Variants in KTN1 observed in about 807,000 individuals in gnomAD.
KTN1 encodes the protein kinectin.
Under a neutral mutation model 222.5 loss-of-function variants are expected in KTN1, and 130 were observed. That is an observed-to-expected ratio of 0.58 (90% CI 0.51 to 0.68). The LOEUF is 0.68. Ranked by LOEUF, KTN1 falls within the 30% of genes least tolerant of loss-of-function variation. KTN1 has a pLI of 0.00. For synonymous variants in KTN1, 512 were observed against 496.3 expected (o/e 1.03, Z -0.42); for missense variants, 1,508 against 1,500.4 (o/e 1.01, Z -0.08).
At position 55,619,331 on chromosome 14, in the gene KTN1, T is replaced by G. The variant is rs1193923835; in HGVS notation, c.963+19T>G. On this transcript the variant is annotated intron_variant, in intron 5 of 43. Coordinates refer to ENST00000395314, the MANE Select transcript of KTN1 (RefSeq NM_001079521.2). ...AAAGAAGGTAAGCGTGTTTTTTGAT[T>G]ATGGGCATATTCATGACCAGTCATT... 1.1e-5 allele frequency: 17 copies of G among 1,611,650 alleles called. No individual in the cohort carries two copies. Among genetic ancestry groups the G allele is most frequent in the Non-Finnish European group, 1.3e-5 (15 of 1,178,980 alleles).
intron 6 of KTN1, among the ~76,000 whole-genome samples, chr14:55,628,709 A>G (rs1464537576): frequency 6.6e-6 from 1 of 152,216 alleles, no homozygotes; most frequent in Non-Finnish European, 1.5e-5. Flanking sequence ...CTTTATGTGA[A>G]TTTGAAGTAA....
At chr14:55,650,445 T>C (rs371575987) in intron 23 of KTN1, 27 bp downstream of exon 23, 31 of 1,569,800 alleles carry the variant, frequency 2.0e-5, no homozygotes, top group Non-Finnish European at 2.4e-5. Context: ...AACTGTGTTT[T>C]ATGTTTTTGT....
chr14:55,671,789 G>A lies in KTN1; in HGVS notation c.3443G>A (p.Gly1148Glu). The stretch of plus-strand genomic sequence containing the variant: ...CAACTATGCTTTTGTCTGTAGGAAG[G>A]AATTTTACAGAAGCTACAGAGAAGT... ...KYKSVLAETEGILQKLQRSVE... is the reference protein window; with the variant it reads ...KYKSVLAETEEILQKLQRSVE... The change falls in exon 37 of 44, where the codon GGA becomes GAA. Residue 1148 changes from glycine (G) to glutamate (E), a missense_variant. Transcript: ENST00000395314. 1 of 1,606,850 alleles carries A rather than the reference G, an allele frequency of 6.2e-7. No homozygotes were observed. Among genetic ancestry groups the A allele is most frequent in the East Asian group, 2.2e-5 (1 of 44,818 alleles).
At chr14:55,672,880 A>G (rs758156628) in intron 38 of KTN1, 49 bp from the exon 39 acceptor site, 29 of 1,466,910 alleles carry the variant, frequency 2.0e-5, no homozygotes, top group Middle Eastern at 3.5e-4. Context: ...GGGAAATATT[A>G]TGAAAGGAAA....
chr14:55,581,804 G>A (rs1312384517), intron 1 of KTN1, among the ~76,000 whole-genome samples: 1 of 151,724 alleles, frequency 6.6e-6, no homozygotes, highest in African/African-American at 2.4e-5. Flanking sequence ...ATGATCCCAA[G>A]AATAACACTA....
intron 1 of KTN1, among the ~76,000 whole-genome samples, chr14:55,592,226 TTA>T (rs1303500107): frequency 6.6e-6 from 1 of 152,244 alleles, no homozygotes; most frequent in African/African-American, 2.4e-5. Flanking sequence ...TTAAAAAGTT[TTA>T]TGTTGTCTCA....
intron 1 of KTN1, among the ~76,000 whole-genome samples, chr14:55,588,620 A>G (rs2033508291): frequency 6.6e-6 from 1 of 152,212 alleles, no homozygotes; most frequent in Non-Finnish European, 1.5e-5. Flanking sequence ...GCTCACAGTA[A>G]TACCAACAGG....
intron 34 of KTN1, 48 bp from the exon 35 acceptor site, chr14:55,670,681 T>C: frequency 8.5e-7 from 1 of 1,173,868 alleles, no homozygotes. Context: ...TTTATTTGGA[T>C]TTTTTTTTTC....
intron 37 of KTN1, 79 bp downstream of exon 37, chr14:55,671,956 C>T: frequency 1.2e-6 from 1 of 832,914 alleles, no homozygotes; most frequent in Non-Finnish European, 2.0e-6. Context: ...TCACCATGCA[C>T]ATTCTTGGGC....
At chr14:55,588,361 A>G (rs1212666117) in intron 1 of KTN1, among the ~76,000 whole-genome samples, 1 of 152,188 alleles carries the variant, frequency 6.6e-6, no homozygotes, top group Non-Finnish European at 1.5e-5. Flanking sequence ...CTAAGTACAT[A>G]TCAAGTAATT....
At position 55,646,558 on chromosome 14, in the gene KTN1, CTCTCTT is replaced by C. The variant is rs781353123; in HGVS notation, c.2173-400_2173-395del. 3.6e-3 allele frequency among the ~76,000 whole-genome samples: 402 copies of C among 110,606 alleles called. 5 individuals carry two copies. The highest frequency in any genetic ancestry group is 0.011 in the African/African-American group (337 of 30,720). The allele number at this position is 110,606 out of a possible 152,430, so 72.6% of individuals were successfully genotyped here. The stretch of plus-strand genomic sequence containing the variant: ...TCCTTTCCTTTCCTTCTCTCTTTCT[CTCTCTT>C]TCTCTTTCTCTTTCCTTCTCTTTTC... On this transcript the variant is annotated intron_variant, in intron 18 of 43. Transcript: ENST00000395314.
intron 40 of KTN1, chr14:55,673,471 A>G (rs2045625548): frequency 2.8e-6 from 1 of 363,430 alleles, no homozygotes; most frequent in Non-Finnish European, 4.9e-6. Context: ...TAACAATGGC[A>G]TGTTTGGCTT....
Position 55,606,858 on chromosome 14 carries a change from A to G in KTN1, c.-30-5161A>G, listed in dbSNP as rs80015070. Among the ~76,000 whole-genome samples, 593 of 152,286 alleles carry G rather than the reference A, an allele frequency of 3.9e-3. 3 individuals are homozygous for G. The highest frequency in any genetic ancestry group is 0.014 in the African/African-American group (572 of 41,582). Reference sequence around the variant, plus strand: ...TAATGATTCTCATTTTTTAGGTATCATCTATGAGTGTATATAATACTCAAC... The same window carrying G: ...TAATGATTCTCATTTTTTAGGTATCGTCTATGAGTGTATATAATACTCAAC... On this transcript the variant is annotated intron_variant, in intron 1 of 43. Transcript: ENST00000395314.
At chr14:55,664,117 A>T (rs113537596) in intron 33 of KTN1, 76 bp downstream of exon 33, 17 of 903,012 alleles carry the variant, frequency 1.9e-5, no homozygotes, top group African/African-American at 6.9e-5. Context: ...AGACTAAAGC[A>T]TTTACTTTTA....
At chr14:55,599,427 T>C (rs1392966982) in intron 1 of KTN1, among the ~76,000 whole-genome samples, 2 of 152,288 alleles carry the variant, frequency 1.3e-5, no homozygotes, top group South Asian at 2.1e-4. Flanking sequence ...CCCAAGAGTT[T>C]TTCCTGAGTC....
At position 55,631,341 on chromosome 14, in the gene KTN1, G is replaced by GAGATAGATATATATATATATATATATAT. The variant is rs71448461; in HGVS notation, c.1221+1245_1221+1246insGATAGATATATATATATATATATATATA. Reference sequence around the variant, plus strand: ...CTAAAACTCACCTATTGATAAGGTTGATATATATATATATATATATATATA... The same window carrying GAGATAGATATATATATATATATATATAT: ...CTAAAACTCACCTATTGATAAGGTTGAGATAGATATATATATATATATATATATATATATATATATATATATATATATA... On this transcript the variant is annotated intron_variant, in intron 7 of 43. Coordinates refer to ENST00000395314, the MANE Select transcript of KTN1 (RefSeq NM_001079521.2). Among the ~76,000 whole-genome samples the GAGATAGATATATATATATATATATATAT allele has an allele frequency of 2.8e-3, 321 of 114,640 alleles. 9 individuals are homozygous for GAGATAGATATATATATATATATATATAT. Among genetic ancestry groups the GAGATAGATATATATATATATATATATAT allele is most frequent in the Non-Finnish European group, 4.2e-3 (241 of 57,794 alleles). The allele number at this position is 114,640 out of a possible 152,430, so 75.2% of individuals were successfully genotyped here. A position where few individuals can be genotyped will look rare whatever the true frequency, so the allele number is the denominator to read the frequency against.
Position 55,616,513 on chromosome 14 carries a change from A to G in KTN1, c.524-4A>G. ...ATTATTTTTTTTGTTTGTGTTTAAT[A>G]AAGATGACCAGGATAAAAAGGTGGA... On this transcript the variant is annotated splice_region_variant and splice_polypyrimidine_tract_variant and intron_variant, in intron 2 of 43. Coordinates refer to ENST00000395314, the MANE Select transcript of KTN1 (RefSeq NM_001079521.2). 2 of 1,568,266 alleles carry G rather than the reference A, an allele frequency of 1.3e-6. No homozygotes were observed. The highest frequency in any genetic ancestry group is 1.7e-6 in the Non-Finnish European group (2 of 1,166,206).
At chr14:55,581,669 A>G (rs1189882454) in intron 1 of KTN1, among the ~76,000 whole-genome samples, 1 of 152,174 alleles carries the variant, frequency 6.6e-6, no homozygotes, top group Non-Finnish European at 1.5e-5. Flanking sequence ...TTTTTGCTAA[A>G]TTAGGTTGCA....
intron 29 of KTN1, chr14:55,656,333 ACT>A: frequency 2.1e-6 from 1 of 483,470 alleles, no homozygotes. Flanking sequence ...TTTATTAAAT[ACT>A]CTGTTGAACT....
Sources: allele counts gnomAD v4.1 joint callset (sites outside exome capture counted in the v4.1 genomes callset), GRCh38; gene constraint gnomAD v4.1.1; transcripts MANE v1.5; gene names NCBI Gene and HGNC (gene_info 2026-07-23, HGNC 2026-07-21).